ZNF141: variants seen among roughly 807,000 people sequenced by gnomAD.
The protein encoded by ZNF141 is zinc finger protein 141 (clone pHZ-44).
Under a neutral mutation model 11.3 loss-of-function variants are expected in ZNF141, and 7 were observed. The ratio of observed to expected loss-of-function variants is 0.62; its 90% CI spans 0.35 to 1.16. The LOEUF (loss-of-function observed/expected upper bound fraction) is 1.16. ZNF141 is among the 50% of genes most tolerant of loss of function. ZNF141 has a pLI of 0.02. For synonymous variants in ZNF141, 183 were observed against 190.7 expected, an observed-to-expected ratio of 0.96 and a Z score of 0.33; for missense variants, 535 against 554.0, an observed-to-expected ratio of 0.97 and a Z score of 0.34.
At chr4:349,228 GT>G (rs34322430) in intron 3 of ZNF141, among the ~76,000 whole-genome samples, 2 of 151,254 alleles carry the variant, frequency 1.3e-5, no homozygotes, top group African/African-American at 4.9e-5. Context: ...GAGTACAGGA[GT>G]TTGAGATAAG....
intron 3 of ZNF141, among the ~76,000 whole-genome samples, chr4:362,631 G>C (rs989830609): frequency 6.6e-6 from 1 of 152,186 alleles, no homozygotes; most frequent in Admixed American, 6.5e-5. Context: ...TTATTAAATA[G>C]GGAGTCCTTC....
rs1182828049 is a variant in ZNF141, at chr4:384,840, G to C, written c.*10978G>C. The C allele has an allele frequency of 6.6e-6, 1 of 152,198 alleles. No homozygotes were observed. The highest frequency in any genetic ancestry group is 2.4e-5 in the African/African-American group (1 of 41,414). 9.4% of individuals were successfully genotyped at this position (152,198 alleles called of 1,614,324 possible). On this transcript the variant is annotated 3_prime_UTR_variant, in exon 4 of 4. Coordinates refer to ENST00000240499, the MANE Select transcript of ZNF141 (RefSeq NM_003441.4). ...CCTTTCTGCTGAGAGCTTTCCTTTT[G>C]CTTAATAAATCCTATTCTGCTTTAT...
Position 381,569 on chromosome 4 carries a change from C to T in ZNF141, c.*7707C>T, listed in dbSNP as rs1327626073. On this transcript the variant is annotated 3_prime_UTR_variant, in exon 4 of 4. Coordinates refer to ENST00000240499, the MANE Select transcript of ZNF141 (RefSeq NM_003441.4). ...GACTAACAGGTGCGCCCCACCACGC[C>T]TGAAAAATTTTTGTATTTTTAGTAG... Among the ~76,000 whole-genome samples the T allele has an allele frequency of 2.0e-5, 3 of 151,944 alleles. No homozygotes were observed. The highest frequency in any genetic ancestry group is 2.1e-4 in the South Asian group (1 of 4,818).
In ZNF141 at chr4:381,426, T is replaced by TTTTTTTTTG. The variant is rs1712611090; in HGVS notation, c.*7564_*7565insTTTTTTTTG. Reference sequence around the variant, plus strand: ...TTTTTTTTTTTTTTTTTTTTTTTTTTGAGACGTTGTCTTGCTCTGTCGCCC... The same window carrying TTTTTTTTTG: ...TTTTTTTTTTTTTTTTTTTTTTTTTTTTTTTTTTGGAGACGTTGTCTTGCTCTGTCGCCC... On this transcript the variant is annotated 3_prime_UTR_variant, in exon 4 of 4. Transcript: ENST00000240499. Among the ~76,000 whole-genome samples, 1 of 113,696 alleles carries TTTTTTTTTG rather than the reference T, an allele frequency of 8.8e-6. No individual in the cohort carries two copies. Among genetic ancestry groups the TTTTTTTTTG allele is most frequent in the African/African-American group, 3.7e-5 (1 of 27,184 alleles). 74.6% of individuals were successfully genotyped at this position (113,696 alleles called of 152,430 possible).
intron 3 of ZNF141, among the ~76,000 whole-genome samples, chr4:348,587 C>T (rs1412735229): frequency 1.3e-5 from 2 of 151,862 alleles, no homozygotes; most frequent in African/African-American, 2.4e-5. Context: ...TGGTAGTGGG[C>T]GCTTGTAATC....
At chr4:360,287 C>G (rs1722048224) in intron 3 of ZNF141, among the ~76,000 whole-genome samples, 1 of 152,144 alleles carries the variant, frequency 6.6e-6, no homozygotes. Context: ...TCAAATTTAT[C>G]TGATTACAGA....
chr4:378,961 C>T lies in ZNF141; in HGVS notation c.*5099C>T, dbSNP rs1712495513. ...TCGGGTTCAAGCAATTCTCCTGCCT[C>T]AGCCTCCCAAGTAGCTGGGATTACA... On this transcript the variant is annotated 3_prime_UTR_variant, in exon 4 of 4. Coordinates refer to ENST00000240499, the MANE Select transcript of ZNF141 (RefSeq NM_003441.4). 6.6e-6 allele frequency among the ~76,000 whole-genome samples: 1 copy of T among 150,400 alleles called. No homozygotes were observed. Among genetic ancestry groups the T allele is most frequent in the Admixed American group, 6.7e-5 (1 of 14,966 alleles).
rs1197637340 is a variant in ZNF141, at chr4:381,186, A to C, written c.*7324A>C. Among the ~76,000 whole-genome samples the C allele has an allele frequency of 1.3e-5, 2 of 152,068 alleles. No individual in the cohort carries two copies. Among genetic ancestry groups the C allele is most frequent in the Non-Finnish European group, 2.9e-5 (2 of 67,996 alleles). Reference sequence around the variant, plus strand: ...TTTCTTGAGTTAAATATTTGACTCTATTAGTTTAGTTTCCTTTGTGCCTGT... The same window carrying C: ...TTTCTTGAGTTAAATATTTGACTCTCTTAGTTTAGTTTCCTTTGTGCCTGT... On this transcript the variant is annotated 3_prime_UTR_variant, in exon 4 of 4. Coordinates refer to ENST00000240499, the MANE Select transcript of ZNF141 (RefSeq NM_003441.4).
chr4:371,917 T>A (rs755081077), intron 3 of ZNF141, among the ~76,000 whole-genome samples: 1 of 152,256 alleles, frequency 6.6e-6, no homozygotes, highest in African/African-American at 2.4e-5. Context: ...GGTTGTTATT[T>A]GTACATTAAC....
rs1712733514 is a variant in ZNF141 at position 382,993 on chromosome 4, T to G, written c.*9131T>G. 3.8e-6 allele frequency: 2 copies of G among 520,878 alleles called. No individual in the cohort carries two copies. Among genetic ancestry groups the G allele is most frequent in the African/African-American group, 3.9e-5 (2 of 51,708 alleles). 32.3% of individuals were successfully genotyped at this position (520,878 alleles called of 1,614,324 possible). A position where few individuals can be genotyped will look rare whatever the true frequency, so the allele number is the denominator to read the frequency against. ...CGTTCCTATCAAGAGACAGATTCTGTTTCCCAAACCTTGAACTTCTCTTGA... is the reference window on the plus strand; with the variant it reads ...CGTTCCTATCAAGAGACAGATTCTGGTTCCCAAACCTTGAACTTCTCTTGA... On this transcript the variant is annotated 3_prime_UTR_variant, in exon 4 of 4. Coordinates refer to ENST00000240499, the MANE Select transcript of ZNF141 (RefSeq NM_003441.4).
chr4:342,830 G>A (rs568319832), intron 1 of ZNF141: 82 of 1,607,390 alleles, frequency 5.1e-5, no homozygotes, highest in Admixed American at 2.2e-4. Context: ...ACAGGTCCCC[G>A]AGGCATTTTG....
chr4:374,580 C>A lies in ZNF141; in HGVS notation c.*718C>A. 1 of 161,714 alleles carries A rather than the reference C, an allele frequency of 6.2e-6. No individual in the cohort carries two copies. The highest frequency in any genetic ancestry group is 1.4e-5 in the Non-Finnish European group (1 of 72,776). 10.0% of individuals were successfully genotyped at this position (161,714 alleles called of 1,614,324 possible). A position where few individuals can be genotyped will look rare whatever the true frequency, so the allele number is the denominator to read the frequency against. ...CGTGGCAGAGCCTTCAGACCATCCACAAACCTTTATGAAAATTCATATTTG... is the reference window on the plus strand; with the variant it reads ...CGTGGCAGAGCCTTCAGACCATCCAAAAACCTTTATGAAAATTCATATTTG... On this transcript the variant is annotated 3_prime_UTR_variant, in exon 4 of 4. Coordinates refer to ENST00000240499, the MANE Select transcript of ZNF141 (RefSeq NM_003441.4).
At position 379,229 on chromosome 4, in the gene ZNF141, T is replaced by C. The variant is rs1553855097; in HGVS notation, c.*5367T>C. ...TTTAGCATCACTTGCCCTTTTAGTGTCTTACATATGTATGATTACCATCAG... is the reference window on the plus strand; with the variant it reads ...TTTAGCATCACTTGCCCTTTTAGTGCCTTACATATGTATGATTACCATCAG... On this transcript the variant is annotated 3_prime_UTR_variant, in exon 4 of 4. Transcript: ENST00000240499. Among the ~76,000 whole-genome samples, 1 of 152,162 alleles carries C rather than the reference T, an allele frequency of 6.6e-6. No individual in the cohort carries two copies. Among genetic ancestry groups the C allele is most frequent in the South Asian group, 2.1e-4 (1 of 4,826 alleles).
chr4:373,635 T>C lies in ZNF141; in HGVS notation c.1198T>C (p.Cys400Arg), dbSNP rs1553854071. 4 of 1,614,170 alleles carry C rather than the reference T, an allele frequency of 2.5e-6. No individual in the cohort carries two copies. The highest frequency in any genetic ancestry group is 2.2e-5 in the East Asian group (1 of 44,884). Residue 400 changes from cysteine (C) to arginine (R), a missense_variant, in exon 4 of 4, where the codon TGT becomes CGT. Cys to Arg is a radical substitution (Grantham distance 180). Transcript: ENST00000240499. ...TGEKPYKCEE[C>R]GKAFRRSTDR... ...AGAGAAACCCTACAAATGTGAAGAATGTGGCAAAGCCTTTAGACGGTCCAC... is the reference window on the plus strand; with the variant it reads ...AGAGAAACCCTACAAATGTGAAGAACGTGGCAAAGCCTTTAGACGGTCCAC...
intron 3 of ZNF141, among the ~76,000 whole-genome samples, chr4:357,300 A>G (rs991177033): frequency 1.1e-4 from 17 of 151,048 alleles, no homozygotes; most frequent in Admixed American, 1.3e-4. Flanking sequence ...TCTTTATTTT[A>G]TTTATGTATT....
At chr4:351,164 T>G (rs1182472442) in intron 3 of ZNF141, among the ~76,000 whole-genome samples, 1 of 152,130 alleles carries the variant, frequency 6.6e-6, no homozygotes, top group Non-Finnish European at 1.5e-5. Context: ...ACTGGAAGCT[T>G]TCTGAGGCCT....
chr4:373,100 T>A lies in ZNF141; in HGVS notation c.663T>A (p.His221Gln), dbSNP rs1712160105. The change falls in exon 4 of 4, where the codon CAT (histidine) becomes CAA (glutamine). Residue 221 changes from histidine (H) to glutamine (Q), a missense_variant. Physicochemically the swap from His to Gln is conservative, Grantham distance 24 (BLOSUM62 0). Coordinates refer to ENST00000240499, the MANE Select transcript of ZNF141 (RefSeq NM_003441.4). Reference protein sequence around the residue: ...SLIFNEHKRIHTGEKPFTCEE... With the variant: ...SLIFNEHKRIQTGEKPFTCEE... ...TATTTAATGAACATAAGAGAATTCA[T>A]ACTGGAGAGAAACCTTTTACTTGTG... is the stretch of plus-strand genomic sequence containing the variant. 3 of 1,613,902 alleles carry A rather than the reference T, an allele frequency of 1.9e-6. No individual in the cohort carries two copies. The South Asian group carries it at 3.3e-5, about 18-fold the overall frequency.
rs1461731599 is a variant in ZNF141 at position 337,938 on chromosome 4, T to C, written c.-46T>C. 1 of 1,611,316 alleles carries C rather than the reference T, an allele frequency of 6.2e-7. No individual in the cohort carries two copies. The highest frequency in any genetic ancestry group is 1.7e-5 in the Admixed American group (1 of 59,930). ...CCGTCGCTCTGTGACCTGCGGGTAT[T>C]GGATGATTGGTAGCTAAGACTCCCG... On this transcript the variant is annotated 5_prime_UTR_variant, in exon 1 of 4. Coordinates refer to ENST00000240499, the MANE Select transcript of ZNF141 (RefSeq NM_003441.4).
At position 382,048 on chromosome 4, in the gene ZNF141, C is replaced by G. The variant is rs1417651408; in HGVS notation, c.*8186C>G. ...GCAAGCTCCACCTCCCAGGTTCACG[C>G]CATTCTCCTGCCTCAGCCTCCCAAG... On this transcript the variant is annotated 3_prime_UTR_variant, in exon 4 of 4. Coordinates refer to ENST00000240499, the MANE Select transcript of ZNF141 (RefSeq NM_003441.4). 2.6e-5 allele frequency among the ~76,000 whole-genome samples: 4 copies of G among 151,128 alleles called. No homozygotes were observed. The highest frequency in any genetic ancestry group is 9.8e-5 in the African/African-American group (4 of 40,886).
Sources: allele counts gnomAD v4.1 joint callset (sites outside exome capture counted in the v4.1 genomes callset), GRCh38; gene constraint gnomAD v4.1.1; transcripts MANE v1.5; gene names NCBI Gene and HGNC (gene_info 2026-07-23, HGNC 2026-07-21).